KIF21A: variants seen among roughly 807,000 people sequenced by gnomAD.
KIF21A encodes the protein kinesin-like protein KIF21A.
In KIF21A, 114 loss-of-function variants were observed where a neutral mutation model predicts 202.9. The ratio of observed to expected loss-of-function variants is 0.56; its 90% CI spans 0.48 to 0.66. KIF21A has a LOEUF of 0.66. KIF21A is among the 30% of genes least tolerant of loss of function. The pLI is 0.00. For synonymous variants in KIF21A, 667 were observed against 670.8 expected, an observed-to-expected ratio of 0.99 and a Z score of 0.09; for missense variants, 1,677 against 1,994.9, an observed-to-expected ratio of 0.84 and a Z score of 3.04.
At chr12:39,325,950 T>A in intron 25 of KIF21A, 57 bp from the exon 26 acceptor site, 1 of 1,375,046 alleles carries the variant, frequency 7.3e-7, no homozygotes, top group Non-Finnish European at 1.0e-6. Context: ...TATAGAAAAC[T>A]ATAGCTCCTC....
In KIF21A at chr12:39,301,664, G is replaced by A. The variant is rs1942972642; in HGVS notation, c.4747C>T (p.His1583Tyr). ...CCCAGGGCACAGACCCAATCCTTAT[G>A]TGCATTTGGAACTTGCTAAAAGAAA... ...KDLLQQVPNA[H>Y]KDWVCALGVV... The change falls in exon 37 of 38, where the codon CAT (histidine) becomes TAT (tyrosine). Residue 1583 changes from histidine to tyrosine, a missense_variant. This residue lies in a region of KIF21A where 705 missense variants were observed against 791.9 expected (regional missense o/e 0.89). Transcript: ENST00000361418. The A allele has an allele frequency of 6.2e-7, 1 of 1,613,898 alleles. No homozygotes were observed. Among genetic ancestry groups the A allele is most frequent in the Non-Finnish European group, 8.5e-7 (1 of 1,179,942 alleles).
At chr12:39,428,002 A>G (rs1472984027) in intron 1 of KIF21A, among the ~76,000 whole-genome samples, 1 of 152,216 alleles carries the variant, frequency 6.6e-6, no homozygotes, top group Non-Finnish European at 1.5e-5. Flanking sequence ...CATGGTTCTC[A>G]TCACAAGGCA....
In KIF21A at chr12:39,370,082, C is replaced by A; in HGVS notation, c.224G>T (p.Gly75Val). Residue 75 changes from glycine to valine, a missense_variant, in exon 2 of 38, where the codon GGT (glycine) becomes GTT (valine). This residue lies in a region of KIF21A where 966 missense variants were observed against 1,180.9 expected (regional missense o/e 0.82). Coordinates refer to ENST00000361418, the MANE Select transcript of KIF21A (RefSeq NM_001173464.2). ...YIQCIEKLIE[G>V]CFEGYNATVF... ...TGTAGCATTGTATCCTTCAAAGCAA[C>A]CTTCAATTAGTTTTTCTATACATTG... 4 of 1,613,832 alleles carry A rather than the reference C, an allele frequency of 2.5e-6. No homozygotes were observed. Among genetic ancestry groups the A allele is most frequent in the Non-Finnish European group, 3.4e-6 (4 of 1,179,832 alleles).
At chr12:39,384,721 G>A (rs1950833757) in intron 1 of KIF21A, among the ~76,000 whole-genome samples, 1 of 152,118 alleles carries the variant, frequency 6.6e-6, no homozygotes, top group Non-Finnish European at 1.5e-5. Context: ...AGAAATCCAG[G>A]CATGGCACAG....
chr12:39,391,723 CT>C (rs1951363643), intron 1 of KIF21A, among the ~76,000 whole-genome samples: 1 of 147,500 alleles, frequency 6.8e-6, no homozygotes, highest in African/African-American at 2.6e-5. Flanking sequence ...ATGCTAAAGA[CT>C]GCAATTTTCG....
chr12:39,351,401 T>C (rs1421859658), intron 11 of KIF21A, among the ~76,000 whole-genome samples: 1 of 152,126 alleles, frequency 6.6e-6, no homozygotes, highest in African/African-American at 2.4e-5. Context: ...TCCATGAGAC[T>C]ATTTAATTGC....
chr12:39,385,852 T>C (rs905259222), intron 1 of KIF21A, among the ~76,000 whole-genome samples: 3 of 152,204 alleles, frequency 2.0e-5, no homozygotes, highest in African/African-American at 7.2e-5. Context: ...CTGTAGTCTC[T>C]GAAAGGCAAA....
At chr12:39,408,106 T>TA (rs1331109656) in intron 1 of KIF21A, among the ~76,000 whole-genome samples, 1 of 151,876 alleles carries the variant, frequency 6.6e-6, no homozygotes, top group South Asian at 2.1e-4. Context: ...GAAAAAAATA[T>TA]AAAAAGTTTA....
intron 26 of KIF21A, 123 bp downstream of exon 26, chr12:39,325,716 A>G (rs1414571057): frequency 1.4e-6 from 1 of 699,520 alleles, no homozygotes; most frequent in African/African-American, 1.8e-5. Context: ...AATAAAGAAG[A>G]GCTTTAGTAA....
intron 1 of KIF21A, among the ~76,000 whole-genome samples, chr12:39,440,745 T>C (rs1939450042): frequency 6.6e-6 from 1 of 152,206 alleles, no homozygotes; most frequent in Non-Finnish European, 1.5e-5. Flanking sequence ...CCCCGATTTA[T>C]CCAGGCGCAG....
intron 26 of KIF21A, among the ~76,000 whole-genome samples, chr12:39,324,645 A>AG (rs1370519094): frequency 6.6e-6 from 1 of 152,212 alleles, no homozygotes; most frequent in Non-Finnish European, 1.5e-5. Flanking sequence ...TCTTGAAAAA[A>AG]CAAAGGATCT....
In KIF21A at chr12:39,337,161, T is replaced by C; in HGVS notation, c.2353A>G (p.Arg785Gly). The C allele has an allele frequency of 6.2e-7, 1 of 1,612,746 alleles. No individual in the cohort carries two copies. The highest frequency in any genetic ancestry group is 2.2e-5 in the East Asian group (1 of 44,748). ...CTGTTTCTTCTAGACTCAGTCAGTC[T>C]GGCTTTCTCTTGTTCTTCTTTCATT... ...KQMKEEQEKARLTESRRNREI... is the reference protein window; with the variant it reads ...KQMKEEQEKAGLTESRRNREI... The change falls in exon 17 of 38, where the codon AGA becomes GGA. Residue 785 changes from arginine (R) to glycine (G), a missense_variant. Around this residue, in one of 3 missense-constraint regions of KIF21A, gnomAD observed 966 missense variants for 1,180.9 expected, o/e 0.82. Transcript: ENST00000361418.
At chr12:39,410,939 ACCTGT>A (rs1425241077) in intron 1 of KIF21A, among the ~76,000 whole-genome samples, 1 of 152,056 alleles carries the variant, frequency 6.6e-6, no homozygotes, top group African/African-American at 2.4e-5. Context: ...AGAGAATGCT[ACCTGT>A]CCTAAAATGT....
chr12:39,377,902 T>C (rs1377457240), intron 1 of KIF21A, among the ~76,000 whole-genome samples: 4 of 152,206 alleles, frequency 2.6e-5, no homozygotes, highest in Admixed American at 1.3e-4. Context: ...TCCTAATCTA[T>C]ATAATTAGCT....
At chr12:39,439,450 A>G (rs968062834) in intron 1 of KIF21A, among the ~76,000 whole-genome samples, 10 of 152,218 alleles carry the variant, frequency 6.6e-5, no homozygotes, top group Admixed American at 5.9e-4. Context: ...TATATCTATT[A>G]CACTTACAGT....
intron 1 of KIF21A, among the ~76,000 whole-genome samples, chr12:39,386,301 T>A (rs1289011895): frequency 2.0e-5 from 3 of 152,120 alleles, no homozygotes; most frequent in Non-Finnish European, 4.4e-5. Context: ...CTATTCCAGA[T>A]CATGTGAATG....
intron 37 of KIF21A, among the ~76,000 whole-genome samples, chr12:39,296,991 T>C (rs1227753096): frequency 6.6e-6 from 1 of 152,138 alleles, no homozygotes; most frequent in Non-Finnish European, 1.5e-5. Context: ...AATTCAAGAG[T>C]TGACAGTGAT....
chr12:39,427,817 C>T (rs1954883885), intron 1 of KIF21A, among the ~76,000 whole-genome samples: 1 of 152,164 alleles, frequency 6.6e-6, no homozygotes, highest in African/African-American at 2.4e-5. Context: ...TGCCACCACA[C>T]CCAGCTAATT....
At chr12:39,440,089 G>C (rs1487321050) in intron 1 of KIF21A, among the ~76,000 whole-genome samples, 1 of 152,154 alleles carries the variant, frequency 6.6e-6, no homozygotes, top group East Asian at 1.9e-4. Flanking sequence ...TAGGGTAACA[G>C]GAAGCTGGAA....
Sources: gnomAD v4.1 joint callset for allele counts (sites outside exome capture counted in the v4.1 genomes callset) on GRCh38, gnomAD v4.1.1 for gene constraint, gnomAD v4.1.1 regional missense constraint, MANE v1.5 for transcripts, NCBI Gene and HGNC (gene_info 2026-07-23, HGNC 2026-07-21) for gene names.